The following ANKRD62 variants were observed in gnomAD, a reference collection of about 807,000 sequenced individuals.
ANKRD62 encodes ankyrin repeat domain-containing protein 62.
A neutral mutation model predicts 98.8 loss-of-function variants in ANKRD62; 61 were observed. The observed-to-expected ratio is 0.62, with a 90% CI of 0.50 to 0.76. The LOEUF is 0.76. ANKRD62 is among the 30% of genes least tolerant of loss of function. ANKRD62 has a pLI of 0.00. For synonymous variants in ANKRD62, 341 were observed against 367.9 expected (o/e 0.93, Z 0.84); for missense variants, 933 against 1,082.9 (o/e 0.86, Z 1.94).
At chr18:12,102,699 A>G (rs1909330304) in intron 6 of ANKRD62, 2 of 1,038,318 alleles carry the variant, frequency 1.9e-6, no homozygotes, top group South Asian at 7.2e-5. Context: ...GATATAATGA[A>G]CGGGGTGTAT....
chr18:12,110,636 C>T (rs891751047), intron 8 of ANKRD62, among the ~76,000 whole-genome samples: 26 of 152,288 alleles, frequency 1.7e-4, no homozygotes, highest in Non-Finnish European at 2.9e-4. Flanking sequence ...TCCATTCACT[C>T]TTGAACTCAC....
At chr18:12,120,695 T>C (rs1369783346) in intron 10 of ANKRD62, among the ~76,000 whole-genome samples, 1 of 152,210 alleles carries the variant, frequency 6.6e-6, no homozygotes, top group Non-Finnish European at 1.5e-5. Context: ...CTCGCTATTA[T>C]TTGTTCCCCT....
chr18:12,158,690 AT>A, the ANKRD62 span, among the ~76,000 whole-genome samples: 97 of 132,370 alleles, frequency 7.3e-4, no homozygotes, highest in African/African-American at 1.1e-3. Flanking sequence ...TGCCTGGCTA[AT>A]TTTTTTTTTT....
chr18:12,107,407 TAAAG>T lies in ANKRD62; in HGVS notation c.1007_1010del (p.Lys336ThrfsTer44). 6.6e-7 allele frequency: 1 copy of T among 1,523,106 alleles called. No individual in the cohort carries two copies. Among genetic ancestry groups the T allele is most frequent in the African/African-American group, 1.4e-5 (1 of 72,636 alleles). 94.3% of individuals were successfully genotyped at this position (1,523,106 alleles called of 1,614,324 possible). A position where few individuals can be genotyped will look rare whatever the true frequency, so the allele number is the denominator to read the frequency against. ...GATGTTGATGAATTAATTCACAAAA[TAAAG>T]AACAGAAAACCTGATAATCATCAAT... is the stretch of plus-strand genomic sequence containing the variant. On this transcript the variant is annotated frameshift_variant, in exon 8 of 14. Coordinates refer to ENST00000587848, the MANE Select transcript of ANKRD62 (RefSeq NM_001277333.2). LOFTEE classifies it high-confidence loss of function.
At chr18:12,102,841 T>A (rs189236695) in intron 6 of ANKRD62, 1 of 913,338 alleles carries the variant, frequency 1.1e-6, no homozygotes, top group Admixed American at 5.1e-5. Context: ...CTGTTAATAC[T>A]GGATTTTCAA....
intron 11 of ANKRD62, among the ~76,000 whole-genome samples, chr18:12,123,929 A>G (rs1316167497): frequency 6.6e-6 from 1 of 152,216 alleles, no homozygotes; most frequent in Non-Finnish European, 1.5e-5. Flanking sequence ...GAGAATTACT[A>G]GTAACAGAAG....
At chr18:12,145,126 C>CGTGCT in the ANKRD62 span, among the ~76,000 whole-genome samples, 31,685 of 151,386 alleles carry the variant, frequency 0.21, 4,063 homozygotes, top group East Asian at 0.5. Flanking sequence ...ACAGCTGTGT[C>CGTGCT]GTGCTGTGCT....
At chr18:12,108,657 C>G (rs1287544995) in intron 8 of ANKRD62, among the ~76,000 whole-genome samples, 1 of 152,170 alleles carries the variant, frequency 6.6e-6, no homozygotes, top group Non-Finnish European at 1.5e-5. Flanking sequence ...CTCAGTCAAG[C>G]TTTAACCCAA....
In ANKRD62 at chr18:12,128,205, C is replaced by T. The variant is rs986468291; in HGVS notation, c.*266C>T. 68 of 182,892 alleles carry T rather than the reference C, an allele frequency of 3.7e-4. No individual in the cohort carries two copies. Among genetic ancestry groups the T allele is most frequent in the South Asian group, 5.8e-4 (3 of 5,214 alleles). 11.3% of individuals were successfully genotyped at this position (182,892 alleles called of 1,614,324 possible). The stretch of plus-strand genomic sequence containing the variant: ...TTTTTAGTGATTTCTTTCATTGCCA[C>T]GTGGAGACAAGCCAGATTAATTCAG... On this transcript the variant is annotated 3_prime_UTR_variant, in exon 14 of 14. Transcript: ENST00000587848.
chr18:12,145,505 T>A, the ANKRD62 span, among the ~76,000 whole-genome samples: 1 of 148,490 alleles, frequency 6.7e-6, no homozygotes, highest in African/African-American at 2.5e-5. Flanking sequence ...CATAGAGAGG[T>A]GGATGTGGAT....
the ANKRD62 span, among the ~76,000 whole-genome samples, chr18:12,163,074 GGATTGCATTGAATCTGTA>G: frequency 6.6e-6 from 1 of 151,900 alleles, no homozygotes; most frequent in Non-Finnish European, 1.5e-5. Flanking sequence ...ATTTTGAGAG[GGATTGCATTGAATCTGTA>G]GATTGCTTTG....
chr18:12,158,250 T>C, the ANKRD62 span, among the ~76,000 whole-genome samples: 2 of 152,236 alleles, frequency 1.3e-5, no homozygotes, highest in Non-Finnish European at 2.9e-5. Context: ...CAGCTGATGC[T>C]GATCACACCT....
At chr18:12,172,973 T>C in the ANKRD62 span, among the ~76,000 whole-genome samples, 1 of 152,164 alleles carries the variant, frequency 6.6e-6, no homozygotes, top group African/African-American at 2.4e-5. Flanking sequence ...AGTATTAGGG[T>C]GGGAGTATCC....
chr18:12,094,243 GA>G lies in ANKRD62; in HGVS notation c.218+10del. 2.0e-6 allele frequency: 3 copies of G among 1,520,312 alleles called. No homozygotes were observed. The highest frequency in any genetic ancestry group is 2.6e-6 in the Non-Finnish European group (3 of 1,143,142). The allele number at this position is 1,520,312 out of a possible 1,614,324, so 94.2% of individuals were successfully genotyped here. On this transcript the variant is annotated intron_variant, in intron 1 of 13. Transcript: ENST00000587848. Reference sequence around the variant, plus strand: ...CAGGGACAAGAAGAACAGGTAAGGGGAACAGGAAGCCGGGAGGAGGCCTGGG... The same window carrying G: ...CAGGGACAAGAAGAACAGGTAAGGGGACAGGAAGCCGGGAGGAGGCCTGGG...
chr18:12,156,447 T>C, the ANKRD62 span, among the ~76,000 whole-genome samples: 19 of 152,148 alleles, frequency 1.2e-4, no homozygotes, highest in East Asian at 2.1e-3. Flanking sequence ...TGCTTGCTTC[T>C]GTGAAATCTG....
chr18:12,167,121 T>C, the ANKRD62 span, among the ~76,000 whole-genome samples: 24 of 151,870 alleles, frequency 1.6e-4, no homozygotes, highest in Non-Finnish European at 2.9e-4. Flanking sequence ...TAGGTTATAC[T>C]AAGTTTTTTA....
At chr18:12,105,757 T>C (rs1431121875) in intron 7 of ANKRD62, among the ~76,000 whole-genome samples, 3 of 152,194 alleles carry the variant, frequency 2.0e-5, no homozygotes, top group Admixed American at 6.5e-5. Flanking sequence ...AAACATTCTA[T>C]AATCTTCATT....
At chr18:12,166,540 T>G in the ANKRD62 span, among the ~76,000 whole-genome samples, 1 of 152,140 alleles carries the variant, frequency 6.6e-6, no homozygotes, top group Non-Finnish European at 1.5e-5. Flanking sequence ...CTGTGTTACC[T>G]TGAATTTTTT....
the ANKRD62 span, among the ~76,000 whole-genome samples, chr18:12,135,224 G>A: frequency 8.2e-6 from 1 of 122,386 alleles, no homozygotes; most frequent in Non-Finnish European, 1.6e-5. Context: ...CCCAGAGTGT[G>A]ATGTTCCCCT....
Sources: allele counts gnomAD v4.1 joint callset (sites outside exome capture counted in the v4.1 genomes callset), GRCh38; gene constraint gnomAD v4.1.1; transcripts MANE v1.5; gene names NCBI Gene and HGNC (gene_info 2026-07-23, HGNC 2026-07-21).